The following RSPO3 variants were observed in gnomAD, a reference collection of about 807,000 sequenced individuals.
The protein encoded by RSPO3 is R-spondin-3.
Under a neutral mutation model 36.5 loss-of-function variants are expected in RSPO3, and 17 were observed. The ratio of observed to expected loss-of-function variants is 0.47; its 90% CI spans 0.32 to 0.70. The LOEUF is 0.70. RSPO3 is among the 30% of genes least tolerant of loss of function. The pLI, the probability that RSPO3 is intolerant of heterozygous loss-of-function variation, is 0.04. For synonymous variants in RSPO3, 108 were observed against 107.0 expected (o/e 1.01, Z -0.06); for missense variants, 294 against 322.5 (o/e 0.91, Z 0.68).
intron 1 of RSPO3, among the ~76,000 whole-genome samples, chr6:127,139,719 C>G (rs1313775420): frequency 6.6e-6 from 1 of 152,064 alleles, no homozygotes; most frequent in Admixed American, 6.6e-5. Flanking sequence ...TTATTACCTA[C>G]TAACTCATCA....
intron 2 of RSPO3, 107 bp from the exon 3 acceptor site, chr6:127,150,319 T>C (rs1397424906): frequency 1.9e-6 from 2 of 1,068,202 alleles, no homozygotes; most frequent in Non-Finnish European, 1.3e-6. Context: ...ACTTCAGGTG[T>C]TTATTTGATA....
At chr6:127,127,909 G>A (rs1404703214) in intron 1 of RSPO3, among the ~76,000 whole-genome samples, 2 of 151,582 alleles carry the variant, frequency 1.3e-5, no homozygotes, top group Non-Finnish European at 2.9e-5. Context: ...CCTCTACATC[G>A]CTTTCTTTTC....
intron 4 of RSPO3, among the ~76,000 whole-genome samples, chr6:127,183,981 G>A (rs1775239796): frequency 1.3e-5 from 2 of 151,938 alleles, no homozygotes; most frequent in African/African-American, 2.4e-5. Context: ...GGAAGGAAGA[G>A]AAGTGCCAAG....
intron 4 of RSPO3, among the ~76,000 whole-genome samples, chr6:127,158,142 A>G (rs1183458800): frequency 6.0e-5 from 7 of 116,986 alleles, no homozygotes; most frequent in Non-Finnish European, 1.2e-4. Context: ...AATTTAGTAG[A>G]GGACTTTATC....
chr6:127,154,955 C>G (rs1774563208), intron 3 of RSPO3, among the ~76,000 whole-genome samples: 1 of 152,052 alleles, frequency 6.6e-6, no homozygotes. Context: ...AAGAATTGAT[C>G]AATTTTAGTG....
intron 4 of RSPO3, 101 bp from the exon 5 acceptor site, chr6:127,195,722 T>A (rs535238425): frequency 8.0e-6 from 6 of 748,322 alleles, no homozygotes; most frequent in African/African-American, 5.3e-5. Context: ...TCTATCATTA[T>A]GATATATAAT....
intron 4 of RSPO3, among the ~76,000 whole-genome samples, chr6:127,162,028 T>C (rs553527242): frequency 6.6e-6 from 1 of 152,098 alleles, no homozygotes; most frequent in African/African-American, 2.4e-5. Context: ...CTCTGTCACA[T>C]TGTTGGATGG....
At chr6:127,120,634 C>T (rs1023289390) in intron 1 of RSPO3, among the ~76,000 whole-genome samples, 1 of 152,226 alleles carries the variant, frequency 6.6e-6, no homozygotes, top group Non-Finnish European at 1.5e-5. Flanking sequence ...CCCTGCCCTG[C>T]CCCTGGGCAT....
chr6:127,149,138 A>G (rs1582795365), intron 2 of RSPO3, among the ~76,000 whole-genome samples: 1 of 152,132 alleles, frequency 6.6e-6, no homozygotes, highest in South Asian at 2.1e-4. Flanking sequence ...CTGAGTTTCC[A>G]TTATCAACAC....
intron 1 of RSPO3, among the ~76,000 whole-genome samples, chr6:127,132,120 C>G (rs1035172974): frequency 1.3e-5 from 2 of 151,968 alleles, no homozygotes; most frequent in African/African-American, 4.8e-5. Context: ...AACACCAGCC[C>G]CCTGATCCTG....
chr6:127,148,823 T>C lies in RSPO3; in HGVS notation c.273T>C (p.Asp91=), dbSNP rs936258402. The C allele has an allele frequency of 6.2e-7, 1 of 1,611,868 alleles. No individual in the cohort carries two copies. The highest frequency in any genetic ancestry group is 1.3e-5 in the African/African-American group (1 of 74,998). Residue 91 remains aspartate, a synonymous_variant, in exon 2 of 5, where the codon GAT becomes GAC. Coordinates refer to ENST00000356698, the MANE Select transcript of RSPO3 (RefSeq NM_032784.5). ...GATATTATGGAACTCGATATCCAGA[T>C]ATAAATAAGTGTACAAGTAAGTGCC... ...PSGYYGTRYP[D]INKCTKCKAD...
At chr6:127,188,537 A>C (rs1775343155) in intron 4 of RSPO3, among the ~76,000 whole-genome samples, 1 of 151,964 alleles carries the variant, frequency 6.6e-6, no homozygotes, top group South Asian at 2.1e-4. Flanking sequence ...GTAGTAGTCT[A>C]ATGGAAAATT....
At chr6:127,122,723 G>C (rs1004192687) in intron 1 of RSPO3, among the ~76,000 whole-genome samples, 2 of 152,116 alleles carry the variant, frequency 1.3e-5, no homozygotes, top group Non-Finnish European at 2.9e-5. Flanking sequence ...AGAATAAACT[G>C]TTCTCCTTGA....
At chr6:127,171,563 A>G (rs1774934941) in intron 4 of RSPO3, among the ~76,000 whole-genome samples, 1 of 151,784 alleles carries the variant, frequency 6.6e-6, no homozygotes, top group South Asian at 2.1e-4. Context: ...AAACTGTAAC[A>G]TTCCTAAAAC....
chr6:127,139,007 G>T (rs181292834), intron 1 of RSPO3, among the ~76,000 whole-genome samples: 32 of 152,194 alleles, frequency 2.1e-4, no homozygotes, highest in Admixed American at 3.9e-4. Context: ...AGGGAGCCAT[G>T]CACATAAGTA....
intron 1 of RSPO3, among the ~76,000 whole-genome samples, chr6:127,133,373 G>T (rs1774093456): frequency 6.6e-6 from 1 of 152,016 alleles, no homozygotes; most frequent in Non-Finnish European, 1.5e-5. Flanking sequence ...AGATTTTCTT[G>T]ATTTGACTGT....
intron 1 of RSPO3, among the ~76,000 whole-genome samples, chr6:127,126,168 A>T (rs1773935962): frequency 6.6e-6 from 1 of 152,068 alleles, no homozygotes. Context: ...TCTTGTTGGA[A>T]ATCTGTTTCT....
At chr6:127,133,305 G>A (rs1774092162) in intron 1 of RSPO3, among the ~76,000 whole-genome samples, 1 of 151,954 alleles carries the variant, frequency 6.6e-6, no homozygotes, top group Non-Finnish European at 1.5e-5. Context: ...ATGAAATAGA[G>A]ACTTTATAAA....
At chr6:127,188,064 G>A (rs1775331890) in intron 4 of RSPO3, among the ~76,000 whole-genome samples, 1 of 152,118 alleles carries the variant, frequency 6.6e-6, no homozygotes, top group South Asian at 2.1e-4. Flanking sequence ...TTAAATGGAA[G>A]CAAGGATTCC....
Sources: allele counts gnomAD v4.1 joint callset (sites outside exome capture counted in the v4.1 genomes callset), GRCh38; gene constraint gnomAD v4.1.1; transcripts MANE v1.5; gene names NCBI Gene and HGNC (gene_info 2026-07-23, HGNC 2026-07-21).